Variants in NINJ2 observed in about 807,000 individuals in gnomAD.
The protein encoded by NINJ2 is ninjurin-2.
Under a neutral mutation model 11.7 loss-of-function variants are expected in NINJ2, and 12 were observed. The observed-to-expected ratio is 1.02, with a 90% CI of 0.66 to 1.66. NINJ2 has a LOEUF of 1.66. Among genes scored for constraint, NINJ2 ranks in the 40% most tolerant of loss-of-function variants. NINJ2 has a pLI of 0.00. For missense variants in NINJ2, 187 were observed against 181.8 expected, an observed-to-expected ratio of 1.03 and a Z score of -0.16; for synonymous variants, 93 against 76.8, an observed-to-expected ratio of 1.21 and a Z score of -1.10.
intron 1 of NINJ2, among the ~76,000 whole-genome samples, chr12:582,337 G>A (rs1168820743): frequency 8.0e-6 from 1 of 125,572 alleles, no homozygotes; most frequent in East Asian, 2.3e-4. Flanking sequence ...ATGGACGCAG[G>A]CAGGCAGGCA....
At chr12:611,023 C>T (rs973623594) in intron 1 of NINJ2, among the ~76,000 whole-genome samples, 8 of 152,138 alleles carry the variant, frequency 5.3e-5, no homozygotes, top group Non-Finnish European at 8.8e-5. Context: ...GCATAAGCCA[C>T]GGCACCTAGG....
chr12:621,051 C>A (rs1391570753), intron 1 of NINJ2, among the ~76,000 whole-genome samples: 1 of 152,208 alleles, frequency 6.6e-6, no homozygotes, highest in Non-Finnish European at 1.5e-5. Context: ...CAAACAAGCA[C>A]TCCTGAGTCT....
At chr12:600,648 T>G (rs1947853281) in intron 1 of NINJ2, among the ~76,000 whole-genome samples, 1 of 141,950 alleles carries the variant, frequency 7.0e-6, no homozygotes. Context: ...GCAGAATTTT[T>G]TTGGGGTGTG....
At chr12:660,604 G>A (rs978450562) in intron 1 of NINJ2, among the ~76,000 whole-genome samples, 6 of 152,022 alleles carry the variant, frequency 3.9e-5, no homozygotes, top group African/African-American at 1.2e-4. Context: ...CTCCCAAAGT[G>A]CTGGGGTTAC....
chr12:627,146 G>A (rs927082320), intron 1 of NINJ2, among the ~76,000 whole-genome samples: 3 of 152,138 alleles, frequency 2.0e-5, no homozygotes, highest in Non-Finnish European at 2.9e-5. Context: ...CCCATAGCAA[G>A]CACCTAATAA....
intron 1 of NINJ2, among the ~76,000 whole-genome samples, chr12:615,520 G>A (rs937725371): frequency 2.0e-5 from 3 of 151,290 alleles, no homozygotes; most frequent in Admixed American, 6.6e-5. Context: ...CCTGGGAGCC[G>A]GAGGTTGCAG....
chr12:594,725 C>A (rs1947760029), intron 1 of NINJ2, among the ~76,000 whole-genome samples: 1 of 152,242 alleles, frequency 6.6e-6, no homozygotes, highest in Middle Eastern at 3.4e-3. Context: ...AATAGAAAGA[C>A]TCAATATTTG....
intron 1 of NINJ2, among the ~76,000 whole-genome samples, chr12:622,439 A>AAG (rs1948165007): frequency 6.7e-6 from 1 of 149,988 alleles, no homozygotes; most frequent in African/African-American, 2.5e-5. Flanking sequence ...AAAAAAGGAA[A>AAG]GAAAGAAAGA....
intron 1 of NINJ2, among the ~76,000 whole-genome samples, chr12:575,852 C>CT (rs1227077722): frequency 6.6e-6 from 1 of 152,202 alleles, no homozygotes. Context: ...AACACCCCCA[C>CT]TGCAGGGAGA....
At chr12:617,316 G>C (rs191793377) in intron 1 of NINJ2, among the ~76,000 whole-genome samples, 1 of 152,280 alleles carries the variant, frequency 6.6e-6, no homozygotes, top group East Asian at 1.9e-4. Flanking sequence ...AAAGACACTG[G>C]GGGAAGAGCC....
intron 1 of NINJ2, among the ~76,000 whole-genome samples, chr12:611,309 T>TTC (rs199681450): frequency 2.8e-4 from 42 of 149,972 alleles, no homozygotes; most frequent in African/African-American, 9.5e-4. Flanking sequence ...CTTCCTTTCT[T>TTC]TCTCTCTCTC....
chr12:634,890 AG>A (rs1172756261), intron 1 of NINJ2, among the ~76,000 whole-genome samples: 1 of 152,138 alleles, frequency 6.6e-6, no homozygotes, highest in African/African-American at 2.4e-5. Context: ...TAAGTACAAG[AG>A]GTTGGAAGAA....
intron 1 of NINJ2, among the ~76,000 whole-genome samples, chr12:600,621 G>A (rs898510105): frequency 8.6e-5 from 13 of 151,420 alleles, no homozygotes; most frequent in Non-Finnish European, 1.3e-4. Context: ...GAAATTAGAC[G>A]GATGGCAAGG....
At chr12:635,877 C>G (rs1948346109) in intron 1 of NINJ2, among the ~76,000 whole-genome samples, 1 of 152,102 alleles carries the variant, frequency 6.6e-6, no homozygotes. Flanking sequence ...GAGTTCGAGA[C>G]CAGCCTGGCC....
intron 1 of NINJ2, among the ~76,000 whole-genome samples, chr12:570,939 C>G (rs1947366978): frequency 6.6e-6 from 1 of 152,236 alleles, no homozygotes; most frequent in African/African-American, 2.4e-5. Context: ...CCATGGACAG[C>G]AGAACGACAC....
At chr12:661,186 C>T (rs1007248023) in intron 1 of NINJ2, among the ~76,000 whole-genome samples, 5 of 152,160 alleles carry the variant, frequency 3.3e-5, no homozygotes, top group Admixed American at 6.5e-5. Context: ...TCAAACAATC[C>T]TCCCACCTCA....
intron 1 of NINJ2, among the ~76,000 whole-genome samples, chr12:583,604 T>C (rs927478084): frequency 1.3e-5 from 2 of 152,230 alleles, no homozygotes; most frequent in Non-Finnish European, 2.9e-5. Context: ...GGCCCAGCCT[T>C]GCCCATGCTG....
intron 1 of NINJ2, among the ~76,000 whole-genome samples, chr12:598,162 G>C (rs1947815217): frequency 6.6e-6 from 1 of 152,236 alleles, no homozygotes; most frequent in Non-Finnish European, 1.5e-5. Flanking sequence ...GTATGCGTGT[G>C]TGTCTGTGTA....
intron 1 of NINJ2, among the ~76,000 whole-genome samples, chr12:661,173 G>A (rs1028568417): frequency 2.0e-5 from 3 of 152,120 alleles, no homozygotes; most frequent in Non-Finnish European, 4.4e-5. Context: ...TGAACTCCTG[G>A]CTTCAAACAA....
Sources: allele counts gnomAD v4.1 joint callset (sites outside exome capture counted in the v4.1 genomes callset), GRCh38; gene constraint gnomAD v4.1.1; transcripts MANE v1.5; gene names NCBI Gene and HGNC (gene_info 2026-07-23, HGNC 2026-07-21).